The following MITF variants were observed in gnomAD, a reference collection of about 807,000 sequenced individuals.
The protein encoded by MITF is microphthalmia-associated transcription factor.
A neutral mutation model predicts 60.5 loss-of-function variants in MITF; 17 were observed. The observed-to-expected ratio is 0.28, with a 90% CI of 0.19 to 0.42. The LOEUF (loss-of-function observed/expected upper bound fraction) is 0.42, where lower values mean the gene tolerates loss of function less well. Ranked by LOEUF, MITF falls within the 10% of genes least tolerant of loss-of-function variation. The pLI is 1.00. For missense variants in MITF, 622 were observed against 683.5 expected (o/e 0.91, Z 1.00); for synonymous variants, 260 against 248.5 (o/e 1.05, Z -0.43).
chr3:69,848,916 GA>G (rs1316898565), intron 1 of MITF, among the ~76,000 whole-genome samples: 1 of 149,266 alleles, frequency 6.7e-6, no homozygotes, highest in Middle Eastern at 3.3e-3. Flanking sequence ...GAATTTGAGA[GA>G]TAGCTTTTTG....
intron 7 of MITF, among the ~76,000 whole-genome samples, chr3:69,952,603 A>T (rs537229973): frequency 6.6e-6 from 1 of 152,168 alleles, no homozygotes; most frequent in African/African-American, 2.4e-5. Flanking sequence ...ATATATAAAC[A>T]CTTTCTCCTT....
chr3:69,952,608 C>A (rs2066284596), intron 7 of MITF, among the ~76,000 whole-genome samples: 1 of 152,030 alleles, frequency 6.6e-6, no homozygotes. Context: ...TAAACACTTT[C>A]TCCTTATAAA....
At chr3:69,758,015 G>A (rs1262186751) in intron 1 of MITF, among the ~76,000 whole-genome samples, 8 of 96,072 alleles carry the variant, frequency 8.3e-5, no homozygotes, top group African/African-American at 2.1e-4. Context: ...GTGTGTGTGT[G>A]TGTGTGTGTG....
chr3:69,746,967 G>A (rs765572094), intron 1 of MITF, among the ~76,000 whole-genome samples: 4 of 152,120 alleles, frequency 2.6e-5, no homozygotes, highest in Admixed American at 6.5e-5. Flanking sequence ...TCTTCGCTTC[G>A]TCTTTCCCTC....
intron 9 of MITF, among the ~76,000 whole-genome samples, chr3:69,960,951 A>T (rs1299974298): frequency 6.6e-6 from 1 of 152,186 alleles, no homozygotes; most frequent in East Asian, 1.9e-4. Flanking sequence ...TGGGTAGTGA[A>T]GTAGAGGTAG....
chr3:69,810,520 T>C (rs2063083805), intron 1 of MITF, among the ~76,000 whole-genome samples: 1 of 152,196 alleles, frequency 6.6e-6, no homozygotes, highest in Admixed American at 6.5e-5. Context: ...AAAATAACTT[T>C]TTTAACATAC....
intron 1 of MITF, among the ~76,000 whole-genome samples, chr3:69,843,855 T>C (rs996987257): frequency 6.6e-6 from 1 of 152,156 alleles, no homozygotes; most frequent in African/African-American, 2.4e-5. Flanking sequence ...CAACCCATCA[T>C]CTACATTAGG....
chr3:69,952,780 G>T (rs181922199), intron 7 of MITF, among the ~76,000 whole-genome samples: 1 of 152,084 alleles, frequency 6.6e-6, no homozygotes, highest in African/African-American at 2.4e-5. Context: ...AACACAAACG[G>T]TATCATATTG....
intron 7 of MITF, among the ~76,000 whole-genome samples, chr3:69,956,091 T>G (rs1349777966): frequency 6.6e-6 from 1 of 152,238 alleles, no homozygotes; most frequent in East Asian, 1.9e-4. Flanking sequence ...TGCTGACTTC[T>G]GCTCTAAGGG....
chr3:69,808,510 T>C lies in MITF; in HGVS notation c.104+68809T>C, dbSNP rs577563622. On this transcript the variant is annotated intron_variant, in intron 1 of 9. Coordinates refer to ENST00000352241, the MANE Select transcript of MITF (RefSeq NM_001354604.2). ...AGCTGTAAAAAAATGATAAAGTGCATATAGTAAGAGGAGTTGATCTGGTCA... is the reference window on the plus strand; with the variant it reads ...AGCTGTAAAAAAATGATAAAGTGCACATAGTAAGAGGAGTTGATCTGGTCA... Among the ~76,000 whole-genome samples the C allele has an allele frequency of 2.0e-5, 3 of 152,086 alleles. No individual in the cohort carries two copies. In the South Asian group the frequency reaches 6.2e-4, roughly 32 times the overall value.
intron 1 of MITF, among the ~76,000 whole-genome samples, chr3:69,793,725 G>A (rs1307447917): frequency 6.6e-6 from 1 of 152,202 alleles, no homozygotes. Context: ...CAACATGAAT[G>A]TAATGTCACA....
intron 1 of MITF, among the ~76,000 whole-genome samples, chr3:69,812,688 A>G (rs905539324): frequency 4.6e-5 from 7 of 152,214 alleles, no homozygotes; most frequent in African/African-American, 1.7e-4. Flanking sequence ...TGCGGGTGAC[A>G]TAGTTCTTTG....
At chr3:69,859,686 G>A (rs1164775671) in intron 1 of MITF, among the ~76,000 whole-genome samples, 2 of 152,034 alleles carry the variant, frequency 1.3e-5, no homozygotes, top group Non-Finnish European at 2.9e-5. Context: ...AGATGAAGAT[G>A]ATGGTGATGC....
At chr3:69,963,622 A>G (rs1006689575) in intron 9 of MITF, among the ~76,000 whole-genome samples, 3 of 152,196 alleles carry the variant, frequency 2.0e-5, no homozygotes, top group African/African-American at 4.8e-5. Flanking sequence ...CACGACTTCT[A>G]AAGTCTTGGA....
chr3:69,763,707 C>G (rs1287602380), intron 1 of MITF: 1 of 1,310,964 alleles, frequency 7.6e-7, no homozygotes, highest in Non-Finnish European at 9.9e-7. Context: ...GTGTTTTCAG[C>G]TCTCTTCTGT....
At position 69,787,111 on chromosome 3, in the gene MITF, G is replaced by A. The variant is rs984543086; in HGVS notation, c.104+47410G>A. Among the ~76,000 whole-genome samples, 9 of 152,158 alleles carry A rather than the reference G, an allele frequency of 5.9e-5. No homozygotes were observed. In the East Asian group the frequency reaches 9.6e-4, roughly 16 times the overall value. ...GATTGATTTCTGGGAGCTCTTCCAC[G>A]ATAGCAAAGGAGAAGCTCAAACCGT... On this transcript the variant is annotated intron_variant, in intron 1 of 9. Coordinates refer to ENST00000352241, the MANE Select transcript of MITF (RefSeq NM_001354604.2).
chr3:69,847,529 T>G (rs2063752779), intron 1 of MITF, among the ~76,000 whole-genome samples: 3 of 152,290 alleles, frequency 2.0e-5, no homozygotes, highest in South Asian at 4.1e-4. Context: ...GTAGTTTGAC[T>G]CCAGGGGTTG....
chr3:69,914,525 G>A (rs375639890), intron 2 of MITF, among the ~76,000 whole-genome samples: 25 of 152,174 alleles, frequency 1.6e-4, no homozygotes, highest in Admixed American at 5.2e-4. Context: ...CCACTTCATC[G>A]TGCAGTTATT....
At chr3:69,741,264 G>T (rs1020336026) in intron 1 of MITF, among the ~76,000 whole-genome samples, 1 of 152,068 alleles carries the variant, frequency 6.6e-6, no homozygotes, top group Non-Finnish European at 1.5e-5. Flanking sequence ...ATCTGCATTC[G>T]GCTGAAGGGA....
Sources: gnomAD v4.1 joint callset for allele counts (sites outside exome capture counted in the v4.1 genomes callset) on GRCh38, gnomAD v4.1.1 for gene constraint, MANE v1.5 for transcripts, NCBI Gene and HGNC (gene_info 2026-07-23, HGNC 2026-07-21) for gene names.